The following EPS15 variants were observed in gnomAD, a reference collection of about 807,000 sequenced individuals.
The protein encoded by EPS15 is epidermal growth factor receptor substrate 15.
Under a neutral mutation model 113.8 loss-of-function variants are expected in EPS15, and 72 were observed. That is an observed-to-expected ratio of 0.63 (90% CI 0.52 to 0.77). EPS15 has a LOEUF of 0.77. Ranked by LOEUF, EPS15 falls within the 30% of genes least tolerant of loss-of-function variation. The pLI is 0.00. For missense variants in EPS15, 1,048 were observed against 1,045.8 expected (o/e 1.00, Z -0.03); for synonymous variants, 344 against 363.4 (o/e 0.95, Z 0.61).
intron 13 of EPS15, among the ~76,000 whole-genome samples, chr1:51,410,061 C>CA (rs1352864932): frequency 0.032 from 3,449 of 109,042 alleles, 52 homozygotes; most frequent in Non-Finnish European, 0.042. Flanking sequence ...AACAAAAATG[C>CA]AAAAAAAAAA....
At chr1:51,491,529 C>T (rs1297711569) in intron 1 of EPS15, among the ~76,000 whole-genome samples, 2 of 151,998 alleles carry the variant, frequency 1.3e-5, no homozygotes, top group Admixed American at 6.5e-5. Flanking sequence ...TAAAAGAAAA[C>T]AGGATGAAAA....
chr1:51,432,453 C>T (rs1313996373), intron 12 of EPS15, among the ~76,000 whole-genome samples: 1 of 151,900 alleles, frequency 6.6e-6, no homozygotes, highest in Non-Finnish European at 1.5e-5. Flanking sequence ...CAGATGTGAG[C>T]CACCATGCCC....
chr1:51,365,966 C>G lies in EPS15; in HGVS notation c.2183G>C (p.Ser728Thr). 1 of 1,610,848 alleles carries G rather than the reference C, an allele frequency of 6.2e-7. No homozygotes were observed. The highest frequency in any genetic ancestry group is 2.2e-5 in the East Asian group (1 of 44,840). The change falls in exon 22 of 25, where the codon AGC (serine) becomes ACC (threonine). Residue 728 changes from serine to threonine, a missense_variant. Transcript: ENST00000371733. The stretch of plus-strand genomic sequence containing the variant: ...ACTGTAGATTACCTTTGACAATGTG[C>G]TGAAGTCAGCAAATCCACCTCCAAA... ...ESFGGGFADF[S>T]TLSKVNNEDP... is the part of the protein sequence containing the mutation.
intron 12 of EPS15, among the ~76,000 whole-genome samples, chr1:51,435,445 C>A (rs1015352247): frequency 1.3e-5 from 2 of 152,160 alleles, no homozygotes; most frequent in Non-Finnish European, 2.9e-5. Flanking sequence ...CCACACGCTG[C>A]AGCCTCCCAA....
At chr1:51,497,503 T>C (rs773180821) in intron 1 of EPS15, among the ~76,000 whole-genome samples, 1 of 152,248 alleles carries the variant, frequency 6.6e-6, no homozygotes, top group Non-Finnish European at 1.5e-5. Flanking sequence ...GCACATTTTA[T>C]TTATAAGCAT....
intron 12 of EPS15, among the ~76,000 whole-genome samples, chr1:51,428,245 G>A (rs1651391679): frequency 6.6e-6 from 1 of 152,144 alleles, no homozygotes. Context: ...AAATGCTAAA[G>A]GGAGTCCTTC....
chr1:51,355,199 T>C lies in EPS15; in HGVS notation c.*1501A>G, dbSNP rs1570049333. 4.6e-6 allele frequency: 1 copy of C among 219,470 alleles called. No individual in the cohort carries two copies. The highest frequency in any genetic ancestry group is 9.2e-6 in the Non-Finnish European group (1 of 109,216). The allele number at this position is 219,470 out of a possible 1,614,324, so 13.6% of individuals were successfully genotyped here. A position where few individuals can be genotyped will look rare whatever the true frequency, so the allele number is the denominator to read the frequency against. ...AAACTGTAGGAGTCTAATTGTGTAA[T>C]GGAAAGAAAACAAAACAAGCACCAT... is the stretch of plus-strand genomic sequence containing the variant. On this transcript the variant is annotated 3_prime_UTR_variant, in exon 25 of 25. Transcript: ENST00000371733.
intron 8 of EPS15, chr1:51,458,544 C>T: frequency 2.2e-6 from 1 of 445,174 alleles, no homozygotes; most frequent in Non-Finnish European, 4.5e-6. Context: ...CGAGACCAGT[C>T]TGGCAAACAC....
chr1:51,358,858 C>CA (rs1433111037), intron 24 of EPS15, among the ~76,000 whole-genome samples: 1 of 151,934 alleles, frequency 6.6e-6, no homozygotes, highest in African/African-American at 2.4e-5. Context: ...CATGCGCCAC[C>CA]ATGCCTGGCT....
chr1:51,375,847 T>G (rs533096984), intron 21 of EPS15, among the ~76,000 whole-genome samples: 1 of 152,154 alleles, frequency 6.6e-6, no homozygotes, highest in South Asian at 2.1e-4. Context: ...CATAAATACA[T>G]AAATAGGGCA....
intron 23 of EPS15, among the ~76,000 whole-genome samples, chr1:51,362,372 C>G (rs1348679547): frequency 6.6e-6 from 1 of 152,148 alleles, no homozygotes; most frequent in Non-Finnish European, 1.5e-5. Flanking sequence ...CAGTTTAGTG[C>G]TCTTTCCAAC....
At chr1:51,409,467 TTTTCATC>T (rs1189561995) in intron 14 of EPS15, 61 bp downstream of exon 14, 1 of 1,439,730 alleles carries the variant, frequency 6.9e-7, no homozygotes, top group Non-Finnish European at 9.4e-7. Context: ...GTAGAGAATG[TTTTCATC>T]TTAAGCCAGG....
chr1:51,406,618 T>C (rs904048192), intron 15 of EPS15, among the ~76,000 whole-genome samples: 4 of 152,220 alleles, frequency 2.6e-5, no homozygotes, highest in African/African-American at 7.2e-5. Context: ...CTTGAAATTT[T>C]AGTATACATG....
chr1:51,449,512 A>T (rs757242877), intron 8 of EPS15, among the ~76,000 whole-genome samples: 4 of 149,298 alleles, frequency 2.7e-5, no homozygotes, highest in Non-Finnish European at 5.9e-5. Context: ...CTGCACACCA[A>T]ACCCCGTGAC....
intron 2 of EPS15, among the ~76,000 whole-genome samples, 197 bp from the exon 3 acceptor site, chr1:51,473,145 A>G (rs1655364168): frequency 1.3e-5 from 2 of 152,222 alleles, no homozygotes; most frequent in Non-Finnish European, 2.9e-5. Context: ...CAATTTACAA[A>G]GTGGTTTTTG....
chr1:51,472,491 C>G (rs926849532), intron 3 of EPS15, among the ~76,000 whole-genome samples: 1 of 152,080 alleles, frequency 6.6e-6, no homozygotes, highest in Non-Finnish European at 1.5e-5. Flanking sequence ...AGCCTCTCAT[C>G]CCCCAGTCTA....
At chr1:51,465,748 T>C (rs955978309) in intron 5 of EPS15, among the ~76,000 whole-genome samples, 2 of 152,064 alleles carry the variant, frequency 1.3e-5, no homozygotes, top group African/African-American at 4.8e-5. Context: ...AAGCAATGCA[T>C]GACTGTAATG....
chr1:51,414,273 C>T (rs1056978851), intron 13 of EPS15, among the ~76,000 whole-genome samples: 7 of 151,772 alleles, frequency 4.6e-5, no homozygotes, highest in Non-Finnish European at 8.8e-5. Flanking sequence ...ATCAGCTGGG[C>T]GTGGTAGTGG....
intron 11 of EPS15, among the ~76,000 whole-genome samples, chr1:51,444,528 G>C (rs56184044): frequency 6.6e-6 from 1 of 152,142 alleles, no homozygotes; most frequent in Non-Finnish European, 1.5e-5. Context: ...ATCATTTTAT[G>C]TAAGAGTGAA....
Sources: gnomAD v4.1 joint callset for allele counts (sites outside exome capture counted in the v4.1 genomes callset) on GRCh38, gnomAD v4.1.1 for gene constraint, MANE v1.5 for transcripts, NCBI Gene and HGNC (gene_info 2026-07-23, HGNC 2026-07-21) for gene names.